The following PRR11 variants were observed in gnomAD, a reference collection of about 807,000 sequenced individuals.
The protein encoded by PRR11 is proline-rich protein 11.
A neutral mutation model predicts 45.6 loss-of-function variants in PRR11; 30 were observed. That is an observed-to-expected ratio of 0.66 (90% confidence interval 0.49 to 0.89). The LOEUF (loss-of-function observed/expected upper bound fraction) is 0.89, where lower values mean the gene tolerates loss of function less well. Ranked by LOEUF, PRR11 falls within the 40% of genes least tolerant of loss-of-function variation. PRR11 has a pLI of 0.00. For missense variants in PRR11, 373 were observed against 424.8 expected (o/e 0.88, Z 1.07); for synonymous variants, 128 against 153.5 (o/e 0.83, Z 1.23).
At chr17:59,164,517 G>A (rs1487833767) in intron 1 of PRR11, among the ~76,000 whole-genome samples, 3 of 151,952 alleles carry the variant, frequency 2.0e-5, no homozygotes, top group Non-Finnish European at 2.9e-5. Flanking sequence ...GAAAAAGAAT[G>A]GGGGAGGACT....
intron 7 of PRR11, among the ~76,000 whole-genome samples, chr17:59,195,667 C>T (rs1458979557): frequency 7.2e-5 from 11 of 152,140 alleles, no homozygotes; most frequent in Non-Finnish European, 2.9e-5. Flanking sequence ...TAACATACTG[C>T]TGTTTATCAT....
intron 1 of PRR11, among the ~76,000 whole-genome samples, chr17:59,167,385 A>G (rs2046685226): frequency 6.6e-6 from 1 of 152,216 alleles, no homozygotes; most frequent in Non-Finnish European, 1.5e-5. Context: ...ACAGTGCCAT[A>G]GAACACTAGA....
At position 59,194,267 on chromosome 17, in the gene PRR11, TCACACA is replaced by T. The variant is rs57853873; in HGVS notation, c.646-457_646-452del. Among the ~76,000 whole-genome samples the T allele has an allele frequency of 4.7e-4, 67 of 141,168 alleles. 1 individual carries two copies. In the East Asian group the frequency reaches 7.0e-3, roughly 15 times the overall value. 92.6% of individuals were successfully genotyped at this position (141,168 alleles called of 152,430 possible). A position where few individuals can be genotyped will look rare whatever the true frequency, so the allele number is the denominator to read the frequency against. On this transcript the variant is annotated intron_variant, in intron 5 of 9. Coordinates refer to ENST00000262293, the MANE Select transcript of PRR11 (RefSeq NM_018304.4). ...ATTAAATCCAGAGTCTTCCCAATCC[TCACACA>T]CACACACACACACACACACACACAC...
Position 59,205,826 on chromosome 17 carries a change from AC to A in PRR11, c.*4196del, listed in dbSNP as rs2046915418. Among the ~76,000 whole-genome samples the A allele has an allele frequency of 6.6e-6, 1 of 151,418 alleles. No individual in the cohort carries two copies. The highest frequency in any genetic ancestry group is 1.5e-5 in the Non-Finnish European group (1 of 67,894). On this transcript the variant is annotated 3_prime_UTR_variant, in exon 10 of 10. Transcript: ENST00000262293. ...TTTGGGAGGCCGAGGTGGGTGTATCACTTGAGGTCAGGAGTTTGAGACCAGC... is the reference window on the plus strand; with the variant it reads ...TTTGGGAGGCCGAGGTGGGTGTATCATTGAGGTCAGGAGTTTGAGACCAGC...
At chr17:59,190,750 C>T (rs1355609986) in intron 4 of PRR11, among the ~76,000 whole-genome samples, 1 of 152,242 alleles carries the variant, frequency 6.6e-6, no homozygotes, top group African/African-American at 2.4e-5. Context: ...TCTCCCTTTG[C>T]ACTAGCAACA....
chr17:59,198,476 C>T (rs2046877182), intron 9 of PRR11, among the ~76,000 whole-genome samples: 1 of 152,108 alleles, frequency 6.6e-6, no homozygotes, highest in South Asian at 2.1e-4. Flanking sequence ...GAGTTTGAGA[C>T]CAGCCTGACC....
Position 59,203,131 on chromosome 17 carries a change from A to G in PRR11, c.*1500A>G, listed in dbSNP as rs2046900489. On this transcript the variant is annotated 3_prime_UTR_variant, in exon 10 of 10. Transcript: ENST00000262293. ...AGTGTTGTTGTAAAGTCATCAGACT[A>G]GAAAGCAGACCTGGGGACAGTGTTT... Among the ~76,000 whole-genome samples the G allele has an allele frequency of 6.6e-6, 1 of 152,234 alleles. No individual in the cohort carries two copies. The highest frequency in any genetic ancestry group is 2.4e-5 in the African/African-American group (1 of 41,470).
At chr17:59,177,645 A>G (rs903275901) in intron 2 of PRR11, among the ~76,000 whole-genome samples, 8 of 152,150 alleles carry the variant, frequency 5.3e-5, no homozygotes, top group African/African-American at 1.9e-4. Flanking sequence ...CAAATGACCC[A>G]TAGGAGAGGC....
chr17:59,196,626 C>A (rs916024785), intron 7 of PRR11, among the ~76,000 whole-genome samples: 9 of 152,052 alleles, frequency 5.9e-5, no homozygotes, highest in Non-Finnish European at 1.3e-4. Flanking sequence ...ACCCACCCCC[C>A]TCGGCCTCCT....
chr17:59,183,295 G>GTC (rs1162060030), intron 2 of PRR11, among the ~76,000 whole-genome samples: 1 of 152,152 alleles, frequency 6.6e-6, no homozygotes, highest in Admixed American at 6.6e-5. Flanking sequence ...GCATTTTGGG[G>GTC]TCTCCTCTTC....
At chr17:59,186,757 A>G (rs546827567) in intron 4 of PRR11, among the ~76,000 whole-genome samples, 3 of 152,190 alleles carry the variant, frequency 2.0e-5, no homozygotes, top group Non-Finnish European at 2.9e-5. Context: ...GCAAAATAAG[A>G]TGCAAAAATA....
chr17:59,180,011 TC>T (rs1254636639), intron 2 of PRR11: 3 of 970,206 alleles, frequency 3.1e-6, no homozygotes, highest in Non-Finnish European at 4.6e-6. Context: ...CATCTTTCCG[TC>T]TTTCTCCTTT....
chr17:59,202,856 G>C lies in PRR11; in HGVS notation c.*1225G>C, dbSNP rs1199344909. 1 of 152,092 alleles carries C rather than the reference G, an allele frequency of 6.6e-6. No individual in the cohort carries two copies. Among genetic ancestry groups the C allele is most frequent in the Non-Finnish European group, 1.5e-5 (1 of 68,028 alleles). 9.4% of individuals were successfully genotyped at this position (152,092 alleles called of 1,614,324 possible). On this transcript the variant is annotated 3_prime_UTR_variant, in exon 10 of 10. Coordinates refer to ENST00000262293, the MANE Select transcript of PRR11 (RefSeq NM_018304.4). ...AGCCTGGGAAACATAGCGAGACCCT[G>C]TCTCTATCAAAAATTTAAAATTACC...
Position 59,202,002 on chromosome 17 carries a change from C to CT in PRR11, c.*379dup, listed in dbSNP as rs771350086. Reference sequence around the variant, plus strand: ...CAAACAAAAAAAACCCACCCAAATCCTTTTTTTTAATGTAGTAGGGTTTAT... The same window carrying CT: ...CAAACAAAAAAAACCCACCCAAATCCTTTTTTTTTAATGTAGTAGGGTTTAT... On this transcript the variant is annotated 3_prime_UTR_variant, in exon 10 of 10. Coordinates refer to ENST00000262293, the MANE Select transcript of PRR11 (RefSeq NM_018304.4). The CT allele has an allele frequency of 2.2e-4, 49 of 225,976 alleles. No individual in the cohort carries two copies. Among genetic ancestry groups the CT allele is most frequent in the African/African-American group, 5.6e-4 (25 of 44,856 alleles). The allele number at this position is 225,976 out of a possible 1,614,324, so 14.0% of individuals were successfully genotyped here. A position where few individuals can be genotyped will look rare whatever the true frequency, so the allele number is the denominator to read the frequency against.
chr17:59,196,969 C>T (rs1412120538), intron 7 of PRR11, among the ~76,000 whole-genome samples: 1 of 152,032 alleles, frequency 6.6e-6, no homozygotes, highest in Non-Finnish European at 1.5e-5. Context: ...CTGCCTCAGC[C>T]TCCCGAGTAG....
At chr17:59,199,050 T>C (rs1437762621) in intron 9 of PRR11, among the ~76,000 whole-genome samples, 1 of 152,134 alleles carries the variant, frequency 6.6e-6, no homozygotes, top group Non-Finnish European at 1.5e-5. Context: ...AAAATAGGCA[T>C]TCATCAAATA....
intron 1 of PRR11, chr17:59,163,629 CCTT>C (rs1490083507): frequency 6.6e-6 from 1 of 152,188 alleles, no homozygotes; most frequent in Admixed American, 6.5e-5. Flanking sequence ...TCTGTCCTGT[CCTT>C]CTGCGGCAGT....
In PRR11 at chr17:59,195,452, C is replaced by G; in HGVS notation, c.857+9C>G. Reference sequence around the variant, plus strand: ...GTTACAAACGTCTTAATGTAAGGAACTGCACAGTACTATGCTCTACTACTA... The same window carrying G: ...GTTACAAACGTCTTAATGTAAGGAAGTGCACAGTACTATGCTCTACTACTA... On this transcript the variant is annotated intron_variant, in intron 7 of 9. Transcript: ENST00000262293. The G allele has an allele frequency of 6.6e-7, 1 of 1,514,744 alleles. No individual in the cohort carries two copies. 93.8% of individuals were successfully genotyped at this position (1,514,744 alleles called of 1,614,324 possible). A position where few individuals can be genotyped will look rare whatever the true frequency, so the allele number is the denominator to read the frequency against.
intron 2 of PRR11, among the ~76,000 whole-genome samples, chr17:59,180,496 G>GTT (rs746347460): frequency 5.9e-5 from 6 of 101,384 alleles, no homozygotes; most frequent in Admixed American, 1.9e-4. Context: ...GCCCGTCCTT[G>GTT]TTTTTTTTTT....
Sources: gnomAD v4.1 joint callset for allele counts (sites outside exome capture counted in the v4.1 genomes callset) on GRCh38, gnomAD v4.1.1 for gene constraint, MANE v1.5 for transcripts, NCBI Gene and HGNC (gene_info 2026-07-23, HGNC 2026-07-21) for gene names.